The following CHRND variants were observed in gnomAD, a reference collection of about 807,000 sequenced individuals.
The protein encoded by CHRND is cholinergic receptor nicotinic delta subunit.
A neutral mutation model predicts 57.8 loss-of-function variants in CHRND; 40 were observed. That is an observed-to-expected ratio of 0.69 (90% CI 0.54 to 0.90). The LOEUF (loss-of-function observed/expected upper bound fraction) is 0.90, where lower values mean the gene tolerates loss of function less well. Ranked by LOEUF, CHRND falls within the 40% of genes least tolerant of loss-of-function variation. The pLI is 0.00. For missense variants in CHRND, 634 were observed against 673.9 expected (o/e 0.94, Z 0.66); for synonymous variants, 237 against 270.6 (o/e 0.88, Z 1.22).
chr2:232,535,856 T>C lies in CHRND; in HGVS notation c.*544T>C, dbSNP rs554559884. 8 of 454,018 alleles carry C rather than the reference T, an allele frequency of 1.8e-5. No homozygotes were observed. In the East Asian group the frequency reaches 5.6e-4, roughly 32 times the overall value. 28.1% of individuals were successfully genotyped at this position (454,018 alleles called of 1,614,324 possible). A position where few individuals can be genotyped will look rare whatever the true frequency, so the allele number is the denominator to read the frequency against. On this transcript the variant is annotated 3_prime_UTR_variant, in exon 12 of 12. Transcript: ENST00000258385. The stretch of plus-strand genomic sequence containing the variant: ...CCTTGACCTCTCTGCCTAGGTCCCT[T>C]TGGGAAGTTGAGGACTGGAGTGGAA...
chr2:232,530,980 C>T (rs1691670027), intron 7 of CHRND, among the ~76,000 whole-genome samples: 2 of 152,164 alleles, frequency 1.3e-5, no homozygotes, highest in South Asian at 4.1e-4. Context: ...GGGAGTAACG[C>T]ACGCAGGTCT....
At chr2:232,529,055 C>T (rs1365399180) in intron 6 of CHRND, 84 bp downstream of exon 6, 18 of 887,600 alleles carry the variant, frequency 2.0e-5, no homozygotes, top group Admixed American at 3.7e-5. Context: ...GAGACACACA[C>T]GTGCACACAC....
At position 232,535,535 on chromosome 2, in the gene CHRND, G is replaced by A. The variant is rs1245894000; in HGVS notation, c.*223G>A. On this transcript the variant is annotated 3_prime_UTR_variant, in exon 12 of 12. Transcript: ENST00000258385. ...GGACATCGGCTACAGTGGGTGGGCA[G>A]GACGATTTGGGGGGAGGCCCGAGGC... 1.4e-6 allele frequency: 1 copy of A among 710,836 alleles called. No individual in the cohort carries two copies. The highest frequency in any genetic ancestry group is 2.5e-6 in the Non-Finnish European group (1 of 400,780). The allele number at this position is 710,836 out of a possible 1,614,324, so 44.0% of individuals were successfully genotyped here. A position where few individuals can be genotyped will look rare whatever the true frequency, so the allele number is the denominator to read the frequency against.
In CHRND at chr2:232,535,350, G is replaced by A. The variant is rs563436084; in HGVS notation, c.*38G>A. 5.8e-5 allele frequency: 94 copies of A among 1,607,028 alleles called. 1 individual carries two copies. The Admixed American group carries it at 1.5e-3, about 26-fold the overall frequency. On this transcript the variant is annotated 3_prime_UTR_variant, in exon 12 of 12. Coordinates refer to ENST00000258385, the MANE Select transcript of CHRND (RefSeq NM_000751.3). ...GGGGAGCCAGGAGACAGCAGGGTCT[G>A]AGAGAGGAGCCACAGTCCCTAATGA... is the stretch of plus-strand genomic sequence containing the variant.
At chr2:232,527,689 A>G (rs1020658086) in intron 3 of CHRND, among the ~76,000 whole-genome samples, 1 of 152,190 alleles carries the variant, frequency 6.6e-6, no homozygotes, top group Non-Finnish European at 1.5e-5. Flanking sequence ...GCTTGCAGTG[A>G]GCCGAGATTG....
Position 232,535,273 on chromosome 2 carries a change from C to A in CHRND, c.1515C>A (p.Asp505Glu), listed in dbSNP as rs2106215790. ...NQPPPQPFPGDPYSYNVQDKR... is the reference protein window; with the variant it reads ...NQPPPQPFPGEPYSYNVQDKR... ...CACCACCCCAGCCTTTTCCTGGGGA[C>A]CCCTACTCCTACAACGTGCAGGACA... Residue 505 changes from aspartate to glutamate, a missense_variant, in exon 12 of 12, where the codon GAC (aspartate) becomes GAA (glutamate). Transcript: ENST00000258385. 6 of 1,614,090 alleles carry A rather than the reference C, an allele frequency of 3.7e-6. No individual in the cohort carries two copies. The highest frequency in any genetic ancestry group is 3.3e-5 in the South Asian group (3 of 91,086).
At position 232,526,560 on chromosome 2, in the gene CHRND, G is replaced by A. The variant is rs1323332117; in HGVS notation, c.84G>A (p.Leu28=). ...GGGGGCTGAACGAGGAGGAGCGGCT[G>A]ATCCGGCACCTGTTTCAAGAGAAGG... The part of the protein sequence containing the change: ...GSWGLNEEER[L]IRHLFQEKGY... Residue 28 remains leucine (L), a synonymous_variant, in exon 2 of 12, where the codon CTG becomes CTA. Coordinates refer to ENST00000258385, the MANE Select transcript of CHRND (RefSeq NM_000751.3). 2.5e-6 allele frequency: 4 copies of A among 1,613,598 alleles called. No homozygotes were observed. In the African/African-American group the frequency reaches 5.3e-5, roughly 22 times the overall value.
chr2:232,526,279 C>T lies in CHRND; in HGVS notation c.52+12C>T, dbSNP rs773782023. ...CCTGGCGGTGTGTGGTAAGGGAAGA[C>T]ACCCTCCCCACCCTGGGGTCCCCCG... On this transcript the variant is annotated intron_variant, in intron 1 of 11. Transcript: ENST00000258385. 13 of 1,610,642 alleles carry T rather than the reference C, an allele frequency of 8.1e-6. No individual in the cohort carries two copies. In the South Asian group the frequency reaches 1.4e-4, roughly 18 times the overall value.
At chr2:232,529,844 C>G in intron 6 of CHRND, 95 bp from the exon 7 acceptor site, 4 of 1,352,166 alleles carry the variant, frequency 3.0e-6, no homozygotes, top group Non-Finnish European at 3.1e-6. Context: ...CGTCTCTGGA[C>G]TGGCTTGCCC....
rs199686185 is a variant in CHRND, at chr2:232,530,019, C to T, written c.700C>T (p.Gln234Ter). The T allele has an allele frequency of 1.9e-6, 3 of 1,614,152 alleles. No individual in the cohort carries two copies. The highest frequency in any genetic ancestry group is 4.5e-5 in the East Asian group (2 of 44,886). ...AGCCCCTCTGGACAGCCCCAGCCGCCAGGACATCACCTTCTACCTCATCAT... is the reference window on the plus strand; with the variant it reads ...AGCCCCTCTGGACAGCCCCAGCCGCTAGGACATCACCTTCTACCTCATCAT... ...PRAPLDSPSR[Q>*]DITFYLIIRR... The change falls in exon 7 of 12, where the codon CAG (glutamine) becomes TAG (stop). Residue 234 changes from glutamine to a stop codon, truncating the protein, a stop_gained. Transcript: ENST00000258385. LOFTEE classifies it high-confidence loss of function.
At position 232,528,855 on chromosome 2, in the gene CHRND, TC is replaced by T; in HGVS notation, c.510-3del. 6.2e-7 allele frequency: 1 copy of T among 1,612,474 alleles called. No homozygotes were observed. The highest frequency in any genetic ancestry group is 8.5e-7 in the Non-Finnish European group (1 of 1,178,730). Reference sequence around the variant, plus strand: ...GAGTGTCACTCTCTGCCCATTGCCCTCCCCAGTTCCCTCAAGTATACGGCCA... The same window carrying T: ...GAGTGTCACTCTCTGCCCATTGCCCTCCCAGTTCCCTCAAGTATACGGCCA... On this transcript the variant is annotated splice_polypyrimidine_tract_variant and splice_region_variant and intron_variant, in intron 5 of 11. Transcript: ENST00000258385.
chr2:232,530,240 G>C, intron 7 of CHRND, 101 bp downstream of exon 7: 2 of 1,271,400 alleles, frequency 1.6e-6, no homozygotes, highest in Non-Finnish European at 1.1e-6. Context: ...AGCCACCTGG[G>C]GTCTCCATTC....
At position 232,534,322 on chromosome 2, in the gene CHRND, G is replaced by A; in HGVS notation, c.1351G>A (p.Asp451Asn). 2 of 1,614,184 alleles carry A rather than the reference G, an allele frequency of 1.2e-6. No homozygotes were observed. The highest frequency in any genetic ancestry group is 1.7e-6 in the Non-Finnish European group (2 of 1,180,018). The change falls in exon 11 of 12, where the codon GAC (aspartate) becomes AAC (asparagine). Residue 451 changes from aspartate (D) to asparagine (N), a missense_variant. Physicochemically the swap from Asp to Asn is conservative, Grantham distance 23. Transcript: ENST00000258385. ...GANFIVNHMR[D>N]QNNYNEEKDS... is the part of the protein sequence containing the mutation. ...AAACTTCATTGTTAACCACATGAGG[G>A]ACCAGAACAATTACAATGAGGTAAG...
Position 232,531,430 on chromosome 2 carries a change from C to T in CHRND, c.899C>T (p.Pro300Leu), listed in dbSNP as rs145981548. 9.9e-6 allele frequency: 16 copies of T among 1,614,074 alleles called. No individual in the cohort carries two copies. The highest frequency in any genetic ancestry group is 1.3e-5 in the African/African-American group (1 of 75,042). The change falls in exon 8 of 12, where the codon CCT becomes CTT. Residue 300 changes from proline (P) to leucine (L), a missense_variant. Pro to Leu is a moderately conservative substitution (Grantham distance 98, BLOSUM62 -3). Transcript: ENST00000258385. ...VFLLLISKRLPATSMAIPLIG... is the reference protein window; with the variant it reads ...VFLLLISKRLLATSMAIPLIG... ...CTGCTGCTCATCTCCAAGCGTCTGC[C>T]TGCCACATCCATGGCCATCCCCCTT...
chr2:232,534,853 C>T (rs957148955), intron 11 of CHRND, among the ~76,000 whole-genome samples: 6 of 152,238 alleles, frequency 3.9e-5, no homozygotes, highest in African/African-American at 1.4e-4. Flanking sequence ...GGAGAGACCC[C>T]TGGGCCTCAG....
rs1691550091 is a variant in CHRND, at chr2:232,528,128, C to G, written c.244-134C>G. On this transcript the variant is annotated intron_variant, in intron 3 of 11. Transcript: ENST00000258385. ...TGTCCATGACAGACCTGAATCCGCA[C>G]TCTGTACCTGCCTTCCCCAAACCTC... is the stretch of plus-strand genomic sequence containing the variant. 5.0e-6 allele frequency: 4 copies of G among 795,026 alleles called. No individual in the cohort carries two copies. The East Asian group carries it at 1.1e-4, about 21-fold the overall frequency. 49.2% of individuals were successfully genotyped at this position (795,026 alleles called of 1,614,324 possible).
intron 9 of CHRND, among the ~76,000 whole-genome samples, chr2:232,532,462 C>A (rs1200628184): frequency 8.1e-6 from 1 of 123,624 alleles, no homozygotes; most frequent in Non-Finnish European, 1.6e-5. Flanking sequence ...GAGACAAGAG[C>A]GAAACTCTGT....
Position 232,535,170 on chromosome 2 carries a change from G to A in CHRND, c.1412G>A (p.Arg471His), listed in dbSNP as rs1019213889. 1.7e-5 allele frequency: 28 copies of A among 1,614,052 alleles called. No homozygotes were observed. The highest frequency in any genetic ancestry group is 2.2e-5 in the Non-Finnish European group (26 of 1,180,038). Residue 471 changes from arginine to histidine, a missense_variant, in exon 12 of 12, where the codon CGC (arginine) becomes CAC (histidine). Coordinates refer to ENST00000258385, the MANE Select transcript of CHRND (RefSeq NM_000751.3). The part of the protein sequence containing the change: ...SWNRVARTVD[R>H]LCLFVVTPVM... ...AACCGAGTGGCCCGCACAGTGGACC[G>A]CCTCTGCCTGTTTGTGGTGACGCCT...
intron 9 of CHRND, among the ~76,000 whole-genome samples, 185 bp downstream of exon 9, chr2:232,531,841 C>T (rs1173823430): frequency 6.7e-6 from 1 of 148,736 alleles, no homozygotes; most frequent in Non-Finnish European, 1.5e-5. Flanking sequence ...TTCCCAGCTA[C>T]TCAAGAGGCT....
Sources: gnomAD v4.1 joint callset for allele counts (sites outside exome capture counted in the v4.1 genomes callset) on GRCh38, gnomAD v4.1.1 for gene constraint, MANE v1.5 for transcripts, NCBI Gene and HGNC (gene_info 2026-07-23, HGNC 2026-07-21) for gene names.